The following PTGES3L variants were observed in gnomAD, a reference collection of about 807,000 sequenced individuals.
The protein encoded by PTGES3L is putative protein PTGES3L.
PTGES3L carries 17 observed loss-of-function variants against 25.0 expected under a neutral mutation model. The observed-to-expected ratio is 0.68, with a 90% CI of 0.47 to 1.02. PTGES3L has a LOEUF of 1.02. Among genes scored for constraint, PTGES3L ranks in the 50% least tolerant of loss-of-function variants. The probability of loss-of-function intolerance (pLI) is 0.00; values close to 1 mark genes in which losing one functional copy is unlikely to be tolerated. For missense variants in PTGES3L, 202 were observed against 197.5 expected, an observed-to-expected ratio of 1.02 and a Z score of -0.14; for synonymous variants, 59 against 65.7, an observed-to-expected ratio of 0.90 and a Z score of 0.50.
intron 4 of PTGES3L, among the ~76,000 whole-genome samples, chr17:42,978,322 G>A (rs1211140220): frequency 1.3e-5 from 2 of 151,622 alleles, no homozygotes; most frequent in Admixed American, 6.6e-5. Context: ...AAGGAGAATC[G>A]CTTGAACCCG....
intron 4 of PTGES3L, among the ~76,000 whole-genome samples, chr17:42,977,425 CAA>C (rs34866238): frequency 7.5e-6 from 1 of 134,126 alleles, no homozygotes; most frequent in Non-Finnish European, 1.6e-5. Context: ...GACTCTATCT[CAA>C]AAAAAAAAAA....
intron 1 of PTGES3L, 36 bp from the exon 2 acceptor site, chr17:42,979,699 G>A (rs1395061818): frequency 6.2e-7 from 1 of 1,603,242 alleles, no homozygotes; most frequent in South Asian, 1.1e-5. Flanking sequence ...CATAGGGGTG[G>A]GAGAGGGAAG....
intron 4 of PTGES3L, among the ~76,000 whole-genome samples, chr17:42,977,233 C>T (rs1306209522): frequency 3.3e-5 from 5 of 152,000 alleles, no homozygotes; most frequent in South Asian, 4.1e-4. Flanking sequence ...CAAGAGCAGC[C>T]GGGCCAACAT....
chr17:42,970,676 G>A (rs56996220), intron 5 of PTGES3L, among the ~76,000 whole-genome samples: 5,340 of 144,036 alleles, frequency 0.037, 364 homozygotes, highest in African/African-American at 0.13. Flanking sequence ...CTTAACACGC[G>A]CACACACACA....
At chr17:42,975,992 A>T (rs568136525) in intron 4 of PTGES3L, among the ~76,000 whole-genome samples, 138 of 145,714 alleles carry the variant, frequency 9.5e-4, no homozygotes, top group African/African-American at 3.2e-3. Flanking sequence ...TTATTTATTT[A>T]TTTTTTTTGA....
At chr17:42,969,533 G>A (rs973796807) in intron 6 of PTGES3L, among the ~76,000 whole-genome samples, 9 of 150,080 alleles carry the variant, frequency 6.0e-5, no homozygotes, top group African/African-American at 2.2e-4. Flanking sequence ...TCAGCCACTT[G>A]AGTAGCTGGG....
chr17:42,979,961 C>A, intron 1 of PTGES3L, 85 bp downstream of exon 1: 1 of 1,472,158 alleles, frequency 6.8e-7, no homozygotes, highest in South Asian at 1.4e-5. Flanking sequence ...TGGGGCCTCA[C>A]AGAACCTGGA....
intron 4 of PTGES3L, among the ~76,000 whole-genome samples, chr17:42,975,965 G>A (rs183215643): frequency 3.3e-5 from 5 of 151,020 alleles, no homozygotes; most frequent in East Asian, 2.0e-4. Context: ...ACGAGCCACC[G>A]AACCTGGCTC....
Position 42,969,201 on chromosome 17 carries a change from G to GAAAA in PTGES3L, c.433-19_433-16dup. ...TCAGAATCATCCTGGGGGCGGGGGG[G>GAAAA]AAAAAAGACAAAGCACCTGTAGACC... On this transcript the variant is annotated splice_polypyrimidine_tract_variant and intron_variant, in intron 6 of 6. Coordinates refer to ENST00000591916, the MANE Select transcript of PTGES3L (RefSeq NM_001261430.2). 1.5e-6 allele frequency: 2 copies of GAAAA among 1,363,974 alleles called. No individual in the cohort carries two copies. Among genetic ancestry groups the GAAAA allele is most frequent in the African/African-American group, 3.3e-5 (2 of 60,970 alleles). 84.5% of individuals were successfully genotyped at this position (1,363,974 alleles called of 1,614,324 possible).
At chr17:42,976,056 C>T (rs1214999811) in intron 4 of PTGES3L, among the ~76,000 whole-genome samples, 1 of 145,622 alleles carries the variant, frequency 6.9e-6, no homozygotes, top group East Asian at 2.1e-4. Flanking sequence ...GCTCTTGGCT[C>T]ACTGCAACCT....
At chr17:42,970,672 A>G (rs1046779414) in intron 5 of PTGES3L, among the ~76,000 whole-genome samples, 5 of 115,398 alleles carry the variant, frequency 4.3e-5, no homozygotes, top group Non-Finnish European at 8.9e-5. Context: ...CTGGCTTAAC[A>G]CGCGCACACA....
At chr17:42,973,386 T>A (rs1161630541) in intron 4 of PTGES3L, among the ~76,000 whole-genome samples, 1 of 126,328 alleles carries the variant, frequency 7.9e-6, no homozygotes, top group Non-Finnish European at 1.7e-5. Flanking sequence ...GTCAGCCCCC[T>A]GCCCGGCCAG....
intron 4 of PTGES3L, 47 bp from the exon 5 acceptor site, chr17:42,971,743 G>A: frequency 1.2e-6 from 2 of 1,603,190 alleles, no homozygotes; most frequent in Non-Finnish European, 1.7e-6. Context: ...GGCAGGAGCA[G>A]GAGTGTGTGG....
In PTGES3L at chr17:42,979,226, C is replaced by G. The variant is rs2050025220; in HGVS notation, c.232G>C (p.Val78Leu). ...GCCACCTTTTCCTTCCATTTTCTCACAAAACAAGTAATAGAGCGGGAAGAG... is the reference window on the plus strand; with the variant it reads ...GCCACCTTTTCCTTCCATTTTCTCAGAAAACAAGTAATAGAGCGGGAAGAG... ...KRSSRSITCF[V>L]RKWKEKVAWP... Residue 78 changes from valine (V) to leucine (L), a missense_variant, in exon 4 of 7, where the codon GTG (valine) becomes CTG (leucine). Coordinates refer to ENST00000591916, the MANE Select transcript of PTGES3L (RefSeq NM_001261430.2). 6.2e-7 allele frequency: 1 copy of G among 1,613,968 alleles called. No individual in the cohort carries two copies. Among genetic ancestry groups the G allele is most frequent in the Admixed American group, 1.7e-5 (1 of 59,964 alleles).
Position 42,979,242 on chromosome 17 carries a change from G to C in PTGES3L, c.216C>G (p.Arg72=), listed in dbSNP as rs761354740. The C allele has an allele frequency of 1.2e-6, 2 of 1,613,986 alleles. No individual in the cohort carries two copies. Among genetic ancestry groups the C allele is most frequent in the African/African-American group, 2.7e-5 (2 of 74,898 alleles). The change falls in exon 4 of 7, where the codon CGC becomes CGG. Residue 72 remains arginine (R), a synonymous_variant. Transcript: ENST00000591916. The stretch of plus-strand genomic sequence containing the variant: ...ATTTTCTCACAAAACAAGTAATAGA[G>C]CGGGAAGAGCGCTTATCCTGGGAGT... ...SKDSQDKRSS[R]SITCFVRKWK... is the part of the protein sequence containing the mutation.
At chr17:42,971,334 A>G (rs1168210349) in intron 5 of PTGES3L, among the ~76,000 whole-genome samples, 1 of 152,132 alleles carries the variant, frequency 6.6e-6, no homozygotes, top group East Asian at 1.9e-4. Flanking sequence ...AATTACAGAA[A>G]AGTGGAAAAA....
intron 5 of PTGES3L, 65 bp from the exon 6 acceptor site, chr17:42,970,407 T>C: frequency 6.3e-7 from 1 of 1,592,612 alleles, no homozygotes; most frequent in Non-Finnish European, 8.6e-7. Context: ...TGCACATTGA[T>C]GGTCCATAGA....
intron 4 of PTGES3L, among the ~76,000 whole-genome samples, chr17:42,974,148 G>A (rs1448173378): frequency 6.6e-6 from 1 of 151,982 alleles, no homozygotes; most frequent in Non-Finnish European, 1.5e-5. Context: ...ATCACCTGAG[G>A]TCAGGAGTTC....
chr17:42,971,744 G>A (rs748223154), intron 4 of PTGES3L, 48 bp from the exon 5 acceptor site: 28 of 1,603,448 alleles, frequency 1.7e-5, no homozygotes, highest in East Asian at 2.2e-5. Context: ...GCAGGAGCAG[G>A]AGTGTGTGGG....
Sources: allele counts gnomAD v4.1 joint callset (sites outside exome capture counted in the v4.1 genomes callset), GRCh38; gene constraint gnomAD v4.1.1; transcripts MANE v1.5; gene names NCBI Gene and HGNC (gene_info 2026-07-23, HGNC 2026-07-21).